Variants in HMGB1 observed in about 807,000 individuals in gnomAD.
HMGB1 encodes high mobility group protein B1.
For missense variants in HMGB1, 79 were observed against 253.5 expected (o/e 0.31, Z 4.67); for synonymous variants, 81 against 84.0 (o/e 0.96, Z 0.19).
At chr13:30,567,801 C>G (rs1334161729) in intron 1 of HMGB1, among the ~76,000 whole-genome samples, 1 of 152,148 alleles carries the variant, frequency 6.6e-6, no homozygotes, top group Non-Finnish European at 1.5e-5. Context: ...CATCACGGCT[C>G]CCAGGCCCAC....
chr13:30,589,113 C>A (rs1871273058), intron 1 of HMGB1, among the ~76,000 whole-genome samples: 1 of 150,838 alleles, frequency 6.6e-6, no homozygotes, highest in South Asian at 2.1e-4. Context: ...TTAAGCGATT[C>A]TCCAGCCTCA....
chr13:30,605,804 GAC>G (rs1406785671), intron 1 of HMGB1, among the ~76,000 whole-genome samples: 1 of 151,972 alleles, frequency 6.6e-6, no homozygotes, highest in African/African-American at 2.4e-5. Context: ...AGAATTGTTT[GAC>G]AACCACCCTT....
chr13:30,532,105 G>A (rs1360326216), intron 1 of HMGB1, among the ~76,000 whole-genome samples: 1 of 151,896 alleles, frequency 6.6e-6, no homozygotes, highest in Non-Finnish European at 1.5e-5. Flanking sequence ...TTGGGAGGCC[G>A]AGGCGAGCAG....
intron 1 of HMGB1, among the ~76,000 whole-genome samples, chr13:30,564,942 C>T (rs188365769): frequency 2.6e-4 from 39 of 152,280 alleles, no homozygotes; most frequent in African/African-American, 9.4e-4. Flanking sequence ...GCATAAAGAA[C>T]CATGGTCTCC....
At chr13:30,482,738 G>A (rs148967319) in intron 1 of HMGB1, among the ~76,000 whole-genome samples, 6 of 151,630 alleles carry the variant, frequency 4.0e-5, no homozygotes, top group South Asian at 4.2e-4. Flanking sequence ...GGGTCTTTGC[G>A]GGAAATAAAA....
intron 4 of HMGB1, chr13:30,461,827 G>C: frequency 1.9e-6 from 1 of 526,620 alleles, no homozygotes; most frequent in Non-Finnish European, 3.3e-6. Context: ...AAACCAGAAT[G>C]TAGAGACTTT....
chr13:30,564,445 A>G (rs1171782609), intron 1 of HMGB1, among the ~76,000 whole-genome samples: 1 of 152,148 alleles, frequency 6.6e-6, no homozygotes, highest in Non-Finnish European at 1.5e-5. Flanking sequence ...CAGCCTGGGC[A>G]ACAGAGAGAG....
chr13:30,491,885 T>C (rs886633816), intron 1 of HMGB1, among the ~76,000 whole-genome samples: 1 of 152,104 alleles, frequency 6.6e-6, no homozygotes, highest in Non-Finnish European at 1.5e-5. Context: ...AAAGATATCA[T>C]TGGCCAGGTG....
intron 1 of HMGB1, among the ~76,000 whole-genome samples, chr13:30,594,620 A>G (rs2137556928): frequency 6.6e-6 from 1 of 152,146 alleles, no homozygotes; most frequent in East Asian, 1.9e-4. Flanking sequence ...TTCTTTATCC[A>G]CTCATCAATT....
chr13:30,565,471 C>T (rs1230763806), intron 1 of HMGB1, among the ~76,000 whole-genome samples: 2 of 152,176 alleles, frequency 1.3e-5, no homozygotes, highest in Non-Finnish European at 2.9e-5. Context: ...AGGTAACCTC[C>T]CAGGGCCAAA....
At chr13:30,515,236 G>C (rs1888076506) in intron 1 of HMGB1, among the ~76,000 whole-genome samples, 1 of 152,194 alleles carries the variant, frequency 6.6e-6, no homozygotes, top group Non-Finnish European at 1.5e-5. Flanking sequence ...CTCAGTTACA[G>C]AGCCACAAGG....
At chr13:30,560,308 A>C (rs1340744878) in intron 1 of HMGB1, among the ~76,000 whole-genome samples, 1 of 152,244 alleles carries the variant, frequency 6.6e-6, no homozygotes, top group Admixed American at 6.5e-5. Context: ...ACGAAGGCAC[A>C]AAGTAGGATA....
chr13:30,588,816 C>G lies in HMGB1; in HGVS notation c.-15+27855G>C, dbSNP rs180964693. 3.5e-3 allele frequency among the ~76,000 whole-genome samples: 530 copies of G among 151,862 alleles called. 1 individual carries two copies. Among genetic ancestry groups the G allele is most frequent in the African/African-American group, 0.011 (454 of 41,446 alleles). Reference sequence around the variant, plus strand: ...CCTGTAGTCCCAGCTATTTGGGAGGCTGAGGCAGGAGACTCGCTTGAATCT... The same window carrying G: ...CCTGTAGTCCCAGCTATTTGGGAGGGTGAGGCAGGAGACTCGCTTGAATCT... On this transcript the variant is annotated intron_variant, in intron 1 of 4. Coordinates refer to the HMGB1 transcript ENST00000405805.
At chr13:30,583,889 T>C (rs1168383061) in intron 1 of HMGB1, among the ~76,000 whole-genome samples, 1 of 150,510 alleles carries the variant, frequency 6.6e-6, no homozygotes, top group Non-Finnish European at 1.5e-5. Flanking sequence ...AGTCCTGTCT[T>C]AACTACTTGA....
At chr13:30,599,510 C>T (rs948058112) in intron 1 of HMGB1, among the ~76,000 whole-genome samples, 1 of 152,132 alleles carries the variant, frequency 6.6e-6, no homozygotes, top group African/African-American at 2.4e-5. Flanking sequence ...GATAACACTA[C>T]AGACTGGGTA....
At chr13:30,529,833 C>G (rs1384447980) in intron 1 of HMGB1, among the ~76,000 whole-genome samples, 1 of 152,208 alleles carries the variant, frequency 6.6e-6, no homozygotes, top group Non-Finnish European at 1.5e-5. Context: ...CACACATCTT[C>G]TCTCTCTGCT....
chr13:30,512,701 A>G (rs1241482904), intron 1 of HMGB1, among the ~76,000 whole-genome samples: 1 of 152,222 alleles, frequency 6.6e-6, no homozygotes, highest in Non-Finnish European at 1.5e-5. Flanking sequence ...CTCAGTAATA[A>G]TAATGATAAT....
intron 1 of HMGB1, among the ~76,000 whole-genome samples, chr13:30,550,443 C>T (rs1869372407): frequency 6.6e-6 from 1 of 152,202 alleles, no homozygotes; most frequent in Non-Finnish European, 1.5e-5. Context: ...TCCTCCCTGA[C>T]ATGGTGGGGA....
rs146262412 is a variant in HMGB1 at position 30,484,490 on chromosome 13, C to G, written c.-14-20796G>C. On this transcript the variant is annotated intron_variant, in intron 1 of 4. Coordinates refer to the HMGB1 transcript ENST00000405805. ...GGATCTTCACCACGTTCCTCACCCT[C>G]CATCCCCCAACAACCGCTACTCTGT... Among the ~76,000 whole-genome samples, 1,251 of 152,340 alleles carry G rather than the reference C, an allele frequency of 8.2e-3. 10 individuals are homozygous for G. The highest frequency in any genetic ancestry group is 0.024 in the Middle Eastern group (7 of 294).
Sources: gnomAD v4.1 joint callset for allele counts (sites outside exome capture counted in the v4.1 genomes callset) on GRCh38, gnomAD v4.1.1 for gene constraint, MANE v1.5 for transcripts, NCBI Gene and HGNC (gene_info 2026-07-23, HGNC 2026-07-21) for gene names.